The following DLGAP1 variants were observed in gnomAD, a reference collection of about 807,000 sequenced individuals.
DLGAP1 encodes the protein disks large-associated protein 1.
A neutral mutation model predicts 90.8 loss-of-function variants in DLGAP1; 11 were observed. The ratio of observed to expected loss-of-function variants is 0.12; its 90% CI spans 0.08 to 0.20. The LOEUF (loss-of-function observed/expected upper bound fraction) is 0.20. DLGAP1 is among the 10% of genes least tolerant of loss of function. The pLI, the probability that DLGAP1 is intolerant of heterozygous loss-of-function variation, is 1.00. For missense variants in DLGAP1, 1,050 were observed against 1,333.8 expected, an observed-to-expected ratio of 0.79 and a Z score of 3.31; for synonymous variants, 558 against 540.7, an observed-to-expected ratio of 1.03 and a Z score of -0.44.
intron 5 of DLGAP1, among the ~76,000 whole-genome samples, chr18:3,743,703 T>C (rs1213835896): frequency 6.6e-6 from 1 of 152,010 alleles, no homozygotes; most frequent in Non-Finnish European, 1.5e-5. Context: ...CAGGCTGGAG[T>C]GCAGTGGCAT....
At chr18:4,310,918 A>C (rs559976535) in intron 1 of DLGAP1, among the ~76,000 whole-genome samples, 2 of 152,196 alleles carry the variant, frequency 1.3e-5, no homozygotes, top group Non-Finnish European at 2.9e-5. Context: ...AGAAGGCCTT[A>C]CAGAACACCG....
intron 3 of DLGAP1, among the ~76,000 whole-genome samples, chr18:3,955,453 T>C (rs2073065276): frequency 6.6e-6 from 1 of 152,214 alleles, no homozygotes; most frequent in South Asian, 2.1e-4. Context: ...GGCTCATGCC[T>C]GTAATCCCAG....
intron 1 of DLGAP1, among the ~76,000 whole-genome samples, chr18:4,171,966 T>TC (rs1255463751): frequency 6.6e-6 from 1 of 152,192 alleles, no homozygotes; most frequent in Non-Finnish European, 1.5e-5. Context: ...ATCTTTTTTT[T>TC]CCAAAGATTT....
intron 7 of DLGAP1, among the ~76,000 whole-genome samples, chr18:3,635,319 G>C (rs1251668844): frequency 1.3e-5 from 2 of 149,982 alleles, no homozygotes; most frequent in Non-Finnish European, 3.0e-5. Flanking sequence ...TGTATTTTTA[G>C]TAGAGACGGG....
At chr18:3,792,543 TCTTA>T (rs1257370782) in intron 5 of DLGAP1, among the ~76,000 whole-genome samples, 2 of 152,098 alleles carry the variant, frequency 1.3e-5, no homozygotes, top group African/African-American at 4.8e-5. Flanking sequence ...AACTTTGACC[TCTTA>T]CTTCCCTTCT....
At chr18:4,041,936 C>T (rs940818735) in intron 2 of DLGAP1, among the ~76,000 whole-genome samples, 9 of 152,056 alleles carry the variant, frequency 5.9e-5, no homozygotes, top group East Asian at 1.9e-4. Flanking sequence ...GTTGATCTAC[C>T]GGGCTGTGGG....
chr18:3,660,599 T>TG lies in DLGAP1; in HGVS notation c.1591+68535dup, dbSNP rs766347917. ...TCAAATACGTTATTTCAATTATGGA[T>TG]GTTATTGAGCTGAGTACTGAGATTT... On this transcript the variant is annotated intron_variant, in intron 7 of 12. Transcript: ENST00000315677. This position sits in a 1 kb window ranked among gnomAD's most constrained non-coding sequence, Gnocchi z 4.2. 2.6e-5 allele frequency among the ~76,000 whole-genome samples: 4 copies of TG among 152,242 alleles called. No homozygotes were observed. The highest frequency in any genetic ancestry group is 4.4e-5 in the Non-Finnish European group (3 of 68,038).
At chr18:3,811,472 G>T (rs967515425) in intron 5 of DLGAP1, among the ~76,000 whole-genome samples, 1 of 152,208 alleles carries the variant, frequency 6.6e-6, no homozygotes, top group African/African-American at 2.4e-5. Context: ...GGGGACAACA[G>T]AAATGGTGTG....
chr18:3,503,193 ATTTTAT>A (rs2050036952), intron 11 of DLGAP1, among the ~76,000 whole-genome samples: 2 of 94,144 alleles, frequency 2.1e-5, no homozygotes, highest in African/African-American at 3.2e-5. Flanking sequence ...ATAGGAAGTA[ATTTTAT>A]CATAGGAAGT....
At chr18:4,400,752 G>C (rs570626078) in intron 1 of DLGAP1, among the ~76,000 whole-genome samples, 2 of 152,186 alleles carry the variant, frequency 1.3e-5, no homozygotes, top group East Asian at 3.9e-4. Context: ...AACTCAACAG[G>C]CAAGAATACT....
intron 2 of DLGAP1, among the ~76,000 whole-genome samples, chr18:4,020,853 C>G (rs553844602): frequency 7.9e-5 from 12 of 152,262 alleles, no homozygotes; most frequent in African/African-American, 2.9e-4. Flanking sequence ...CCAGATTGCT[C>G]CTGGGAATAA....
intron 1 of DLGAP1, among the ~76,000 whole-genome samples, chr18:4,357,156 C>CT (rs2081535929): frequency 3.0e-5 from 3 of 100,672 alleles, no homozygotes; most frequent in African/African-American, 3.4e-5. Context: ...TTGTTTTTTT[C>CT]CTTTTTTTTT....
At chr18:4,320,313 G>A (rs565575096) in intron 1 of DLGAP1, among the ~76,000 whole-genome samples, 17 of 152,166 alleles carry the variant, frequency 1.1e-4, no homozygotes, top group Non-Finnish European at 2.2e-4. Flanking sequence ...TTCCCTTTTT[G>A]TTTCTAGATG....
rs920743062 is a variant in DLGAP1, at chr18:4,002,467, A to T, written c.-73+2649T>A. 2.6e-5 allele frequency among the ~76,000 whole-genome samples: 4 copies of T among 152,242 alleles called. No individual in the cohort carries two copies. In the East Asian group the frequency reaches 5.8e-4, roughly 22 times the overall value. On this transcript the variant is annotated intron_variant, in intron 3 of 12. Transcript: ENST00000315677. ...TCATCAGCCTACTCAACGTGAGGAT[A>T]TGGATAAAGACCTTTATGATGACCC...
Position 3,655,347 on chromosome 18 carries a change from G to T in DLGAP1, c.1592-73099C>A, listed in dbSNP as rs147990918. The stretch of plus-strand genomic sequence containing the variant: ...CTTTTGATTTGTGAAACTCCTATGG[G>T]GCTAAGGAGATCAATTTTATACCAA... On this transcript the variant is annotated intron_variant, in intron 7 of 12. Coordinates refer to ENST00000315677, the MANE Select transcript of DLGAP1 (RefSeq NM_004746.4). Among the ~76,000 whole-genome samples, 167 of 152,196 alleles carry T rather than the reference G, an allele frequency of 1.1e-3. 1 individual carries two copies. The highest frequency in any genetic ancestry group is 3.8e-3 in the African/African-American group (156 of 41,504).
intron 2 of DLGAP1, among the ~76,000 whole-genome samples, chr18:4,119,574 C>CGGAATACG (rs1224160617): frequency 6.6e-6 from 1 of 152,138 alleles, no homozygotes; most frequent in Non-Finnish European, 1.5e-5. Flanking sequence ...TTTAGCAATA[C>CGGAATACG]GGAATACGGT....
At chr18:3,864,626 T>G (rs936877664) in intron 4 of DLGAP1, among the ~76,000 whole-genome samples, 2 of 152,178 alleles carry the variant, frequency 1.3e-5, no homozygotes, top group Non-Finnish European at 2.9e-5. Flanking sequence ...TTATGAAGAC[T>G]ACATTGACTT....
At chr18:4,115,805 A>G (rs896120931) in intron 2 of DLGAP1, among the ~76,000 whole-genome samples, 19 of 152,168 alleles carry the variant, frequency 1.2e-4, no homozygotes, top group Non-Finnish European at 5.9e-5. Context: ...TTTTGCTCCT[A>G]CCAACCTTCT....
chr18:4,450,937 GA>G (rs1298509141), intron 1 of DLGAP1, among the ~76,000 whole-genome samples: 1 of 152,204 alleles, frequency 6.6e-6, no homozygotes, highest in Non-Finnish European at 1.5e-5. Context: ...GTCTATCCAA[GA>G]AAAAGTCCAA....
Sources: gnomAD v4.1 joint callset for allele counts (sites outside exome capture counted in the v4.1 genomes callset) on GRCh38, gnomAD v4.1.1 for gene constraint, Gnocchi (gnomAD v3.1) non-coding constraint, MANE v1.5 for transcripts, NCBI Gene and HGNC (gene_info 2026-07-23, HGNC 2026-07-21) for gene names.